Variants in RFX7 observed in about 807,000 individuals in gnomAD.
RFX7 encodes the protein regulatory factor X7.
In RFX7, 26 loss-of-function variants were observed where a neutral mutation model predicts 111.8. That is an observed-to-expected ratio of 0.23 (90% CI 0.17 to 0.32). The LOEUF is 0.32. Among genes scored for constraint, RFX7 ranks in the 10% least tolerant of loss-of-function variants. The probability of loss-of-function intolerance (pLI) is 1.00; values close to 1 mark genes in which losing one functional copy is unlikely to be tolerated. For synonymous variants in RFX7, 624 were observed against 624.4 expected (o/e 1.00, Z 0.01); for missense variants, 1,573 against 1,772.9 (o/e 0.89, Z 2.02).
chr15:56,112,836 G>T (rs1453693758), intron 5 of RFX7, among the ~76,000 whole-genome samples: 1 of 152,078 alleles, frequency 6.6e-6, no homozygotes, highest in South Asian at 2.1e-4. Flanking sequence ...CAAAAAGTGG[G>T]CAAAGGACAT....
chr15:56,138,445 T>G (rs2042338482), intron 5 of RFX7, among the ~76,000 whole-genome samples: 1 of 149,994 alleles, frequency 6.7e-6, no homozygotes, highest in Non-Finnish European at 1.5e-5. Flanking sequence ...AACCCCTGCC[T>G]TTTTTTGTTT....
chr15:56,135,887 G>T (rs1184853000), intron 5 of RFX7, among the ~76,000 whole-genome samples: 2 of 152,124 alleles, frequency 1.3e-5, no homozygotes, highest in African/African-American at 4.8e-5. Flanking sequence ...TTTCCCCATT[G>T]CTTGTTTTTC....
intron 3 of RFX7, among the ~76,000 whole-genome samples, chr15:56,155,328 G>A (rs986435533): frequency 6.6e-6 from 1 of 151,884 alleles, no homozygotes; most frequent in African/African-American, 2.4e-5. Context: ...TGTTTATTGC[G>A]GCACTATTCA....
chr15:56,147,996 A>C (rs2042507288), intron 3 of RFX7, among the ~76,000 whole-genome samples: 1 of 152,262 alleles, frequency 6.6e-6, no homozygotes, highest in East Asian at 1.9e-4. Context: ...GAGTTGAAGA[A>C]GTTCTCAAAG....
At chr15:56,219,676 C>T (rs1448251755) in intron 2 of RFX7, among the ~76,000 whole-genome samples, 2 of 152,192 alleles carry the variant, frequency 1.3e-5, no homozygotes, top group Non-Finnish European at 2.9e-5. Flanking sequence ...ACATCCACGT[C>T]GCTGCAAAGG....
chr15:56,240,197 C>T (rs758553437), intron 2 of RFX7, among the ~76,000 whole-genome samples: 6 of 151,682 alleles, frequency 4.0e-5, no homozygotes, highest in Non-Finnish European at 8.8e-5. Context: ...TACTAAAGCA[C>T]ATGCCTACTA....
chr15:56,114,856 TAA>T (rs1297494159), intron 5 of RFX7, among the ~76,000 whole-genome samples: 1 of 151,898 alleles, frequency 6.6e-6, no homozygotes, highest in African/African-American at 2.4e-5. Flanking sequence ...AAATTGCTAA[TAA>T]AAAAAATCCC....
At chr15:56,220,612 A>G (rs1482089365) in intron 2 of RFX7, among the ~76,000 whole-genome samples, 1 of 151,688 alleles carries the variant, frequency 6.6e-6, no homozygotes, top group African/African-American at 2.4e-5. Context: ...GTTTGCAAAT[A>G]TTTTCTCCCA....
intron 2 of RFX7, among the ~76,000 whole-genome samples, chr15:56,231,098 T>C (rs898729918): frequency 2.0e-5 from 3 of 152,168 alleles, no homozygotes; most frequent in African/African-American, 7.2e-5. Flanking sequence ...GTGAGATGCC[T>C]GAGGGACTGA....
intron 5 of RFX7, among the ~76,000 whole-genome samples, chr15:56,134,431 AC>A (rs1461869944): frequency 6.6e-6 from 1 of 152,130 alleles, no homozygotes; most frequent in Non-Finnish European, 1.5e-5. Context: ...GAACTAAAAT[AC>A]CCAGACTCAG....
intron 2 of RFX7, among the ~76,000 whole-genome samples, chr15:56,232,292 A>C (rs1415120003): frequency 6.6e-6 from 1 of 152,218 alleles, no homozygotes; most frequent in Non-Finnish European, 1.5e-5. Flanking sequence ...CTGGACATCC[A>C]GCTGTTTCCA....
rs1228228764 is a variant in RFX7 at position 56,090,485 on chromosome 15, AT to A, written c.*2859del. The A allele has an allele frequency of 6.6e-6, 1 of 152,630 alleles. No homozygotes were observed. Among genetic ancestry groups the A allele is most frequent in the Admixed American group, 6.5e-5 (1 of 15,274 alleles). 9.5% of individuals were successfully genotyped at this position (152,630 alleles called of 1,614,324 possible). A position where few individuals can be genotyped will look rare whatever the true frequency, so the allele number is the denominator to read the frequency against. ...GAATAACATTGGGTCTGTTTACAAA[AT>A]GTGTTGCCTATATAAAATATGTCCC... On this transcript the variant is annotated 3_prime_UTR_variant, in exon 10 of 10. Coordinates refer to ENST00000559447, the MANE Select transcript of RFX7 (RefSeq NM_022841.7).
Position 56,095,289 on chromosome 15 carries a change from G to T in RFX7, c.2439C>A (p.Ile813=), listed in dbSNP as rs756100176. 1 of 1,613,916 alleles carries T rather than the reference G, an allele frequency of 6.2e-7. No homozygotes were observed. Among genetic ancestry groups the T allele is most frequent in the Non-Finnish European group, 8.5e-7 (1 of 1,179,858 alleles). ...SVMTIPEHSD[I]NDLEKSVWEL... ...CCCAAACAGATTTCTCTAAGTCATT[G>T]ATATCAGAGTGCTCAGGAATTGTCA... The change falls in exon 10 of 10, where the codon ATC becomes ATA. Residue 813 remains isoleucine, a synonymous_variant. Transcript: ENST00000559447.
Position 56,087,324 on chromosome 15 carries a change from C to T in RFX7, c.*6021G>A, listed in dbSNP as rs1218059126. 2 of 416,208 alleles carry T rather than the reference C, an allele frequency of 4.8e-6. No individual in the cohort carries two copies. Among genetic ancestry groups the T allele is most frequent in the Admixed American group, 2.7e-5 (1 of 36,618 alleles). 25.8% of individuals were successfully genotyped at this position (416,208 alleles called of 1,614,324 possible). On this transcript the variant is annotated 3_prime_UTR_variant, in exon 10 of 10. Coordinates refer to ENST00000559447, the MANE Select transcript of RFX7 (RefSeq NM_022841.7). ...ACATTTATTTCTCTCATGTAAAACACATCCAGAGGTAAGCAGTCAGGACTA... is the reference window on the plus strand; with the variant it reads ...ACATTTATTTCTCTCATGTAAAACATATCCAGAGGTAAGCAGTCAGGACTA...
chr15:56,136,651 A>G (rs2042307075), intron 5 of RFX7, among the ~76,000 whole-genome samples: 2 of 151,946 alleles, frequency 1.3e-5, no homozygotes, highest in South Asian at 2.1e-4. Flanking sequence ...TTCCAACACT[A>G]TGTTGAATAG....
intron 3 of RFX7, among the ~76,000 whole-genome samples, chr15:56,174,187 A>T (rs1415673771): frequency 6.6e-6 from 1 of 152,132 alleles, no homozygotes; most frequent in Non-Finnish European, 1.5e-5. Flanking sequence ...CTGAGGCAGG[A>T]GAATCACTTG....
chr15:56,222,332 G>C (rs758547010), intron 2 of RFX7, among the ~76,000 whole-genome samples: 1 of 151,918 alleles, frequency 6.6e-6, no homozygotes, highest in Non-Finnish European at 1.5e-5. Flanking sequence ...AATTGTACTC[G>C]TTGTGCTACT....
chr15:56,200,583 G>A (rs1395230260), intron 2 of RFX7, among the ~76,000 whole-genome samples: 8 of 151,994 alleles, frequency 5.3e-5, no homozygotes, highest in African/African-American at 1.9e-4. Flanking sequence ...GGCGGATCAC[G>A]AGGTCAGGAG....
rs1365953468 is a variant in RFX7, at chr15:56,243,826, C to CGCCGCG, written c.-390_-385dup. Among the ~76,000 whole-genome samples the CGCCGCG allele has an allele frequency of 1.4e-5, 2 of 147,222 alleles. No homozygotes were observed. Among genetic ancestry groups the CGCCGCG allele is most frequent in the Non-Finnish European group, 3.0e-5 (2 of 66,116 alleles). On this transcript the variant is annotated 5_prime_UTR_variant, in exon 1 of 10. Coordinates refer to ENST00000559447, the MANE Select transcript of RFX7 (RefSeq NM_022841.7). ...CGCCGCTCGCTCCCGGCCCCGCCGC[C>CGCCGCG]GCCGCGGCCGCCGCTGCCCTGCCAG...
Sources: gnomAD v4.1 joint callset for allele counts (sites outside exome capture counted in the v4.1 genomes callset) on GRCh38, gnomAD v4.1.1 for gene constraint, MANE v1.5 for transcripts, NCBI Gene and HGNC (gene_info 2026-07-23, HGNC 2026-07-21) for gene names.